Variants in ARHGAP21 observed in about 807,000 individuals in gnomAD.
ARHGAP21 encodes Rho GTPase activating protein 21.
A neutral mutation model predicts 164.6 loss-of-function variants in ARHGAP21; 38 were observed. The observed-to-expected ratio is 0.23, with a 90% CI of 0.18 to 0.30. The LOEUF (loss-of-function observed/expected upper bound fraction) is 0.30. ARHGAP21 is among the 10% of genes least tolerant of loss of function. The pLI, the probability that ARHGAP21 is intolerant of heterozygous loss-of-function variation, is 1.00. For synonymous variants in ARHGAP21, 766 were observed against 857.9 expected (o/e 0.89, Z 1.87); for missense variants, 1,822 against 2,370.7 (o/e 0.77, Z 4.81).
At chr10:24,643,959 C>G (rs1295146274) in intron 4 of ARHGAP21, among the ~76,000 whole-genome samples, 1 of 152,144 alleles carries the variant, frequency 6.6e-6, no homozygotes, top group African/African-American at 2.4e-5. Context: ...ATCCTCCTGC[C>G]TCGGCCTCCC....
At chr10:24,709,488 C>A (rs187036760) in intron 2 of ARHGAP21, among the ~76,000 whole-genome samples, 3 of 152,098 alleles carry the variant, frequency 2.0e-5, no homozygotes, top group Non-Finnish European at 1.5e-5. Context: ...CTGTAATCCC[C>A]GCACTTTGGG....
chr10:24,722,996 G>T (rs1452660963), intron 1 of ARHGAP21, among the ~76,000 whole-genome samples: 1 of 151,894 alleles, frequency 6.6e-6, no homozygotes, highest in Non-Finnish European at 1.5e-5. Context: ...CACCTAGGGG[G>T]AAAAAACGAG....
At chr10:24,647,969 A>G (rs1335158623) in intron 4 of ARHGAP21, among the ~76,000 whole-genome samples, 1 of 151,996 alleles carries the variant, frequency 6.6e-6, no homozygotes, top group Non-Finnish European at 1.5e-5. Flanking sequence ...TCCCAAGTAG[A>G]TGGGATTTAC....
intron 2 of ARHGAP21, chr10:24,714,379 C>T (rs1009672294): frequency 6.6e-6 from 1 of 152,120 alleles, no homozygotes; most frequent in Non-Finnish European, 1.5e-5. Context: ...AACGCTTAAC[C>T]TGGAAGAAAT....
At chr10:24,592,155 GA>G (rs2076357503) in intron 21 of ARHGAP21, 143 bp from the exon 22 acceptor site, 26 of 295,954 alleles carry the variant, frequency 8.8e-5, no homozygotes, top group East Asian at 2.2e-4. Flanking sequence ...TTTCTAGCAA[GA>G]TTTTTTTTTT....
rs1301553003 is a variant in ARHGAP21, at chr10:24,596,042, T to C, written c.3479A>G (p.Tyr1160Cys). 7 of 1,592,974 alleles carry C rather than the reference T, an allele frequency of 4.4e-6. No homozygotes were observed. The highest frequency in any genetic ancestry group is 6.0e-6 in the Non-Finnish European group (7 of 1,168,948). Reference sequence around the variant, plus strand: ...ACATATGTCAACTATTAATGGAATATACTGCAAAACAAGAAATAAACATTT... The same window carrying C: ...ACATATGTCAACTATTAATGGAATACACTGCAAAACAAGAAATAAACATTT... Reference protein sequence around the residue: ...DDCPPAHTNRYIPLIVDICCK... With the variant: ...DDCPPAHTNRCIPLIVDICCK... The change falls in exon 18 of 26, where the codon TAT becomes TGT. Residue 1160 changes from tyrosine (Y) to cysteine (C), a missense_variant and splice_region_variant. Transcript: ENST00000396432.
chr10:24,684,516 T>TGG (rs1842046278), intron 2 of ARHGAP21, among the ~76,000 whole-genome samples: 1 of 152,210 alleles, frequency 6.6e-6, no homozygotes, highest in African/African-American at 2.4e-5. Flanking sequence ...AATGATATCT[T>TGG]AAATAACTTA....
intron 4 of ARHGAP21, among the ~76,000 whole-genome samples, chr10:24,658,620 T>C (rs960591025): frequency 9.2e-5 from 14 of 152,040 alleles, no homozygotes; most frequent in Admixed American, 4.6e-4. Flanking sequence ...TAGGTGGGAA[T>C]TGAACAATGA....
chr10:24,702,448 T>G (rs910814380), intron 2 of ARHGAP21, among the ~76,000 whole-genome samples: 1 of 152,124 alleles, frequency 6.6e-6, no homozygotes, highest in African/African-American at 2.4e-5. Context: ...CCATTCTTAA[T>G]TGTGGTATGG....
chr10:24,605,371 C>T (rs75086701), intron 11 of ARHGAP21, among the ~76,000 whole-genome samples: 2,857 of 152,260 alleles, frequency 0.019, 30 homozygotes, highest in Non-Finnish European at 0.029. Flanking sequence ...AACATACAGT[C>T]CTGCCATCTT....
chr10:24,695,876 C>T (rs1274267831), intron 2 of ARHGAP21, among the ~76,000 whole-genome samples: 1 of 152,184 alleles, frequency 6.6e-6, no homozygotes, highest in Non-Finnish European at 1.5e-5. Context: ...CCAGGCAAGT[C>T]TCAAGATGAC....
chr10:24,676,672 A>C (rs1305953818), intron 2 of ARHGAP21, among the ~76,000 whole-genome samples: 1 of 152,136 alleles, frequency 6.6e-6, no homozygotes, highest in African/African-American at 2.4e-5. Context: ...GTACCCCCTA[A>C]ATCTATAAAC....
chr10:24,597,882 A>G, intron 15 of ARHGAP21, 63 bp downstream of exon 15: 5 of 1,511,854 alleles, frequency 3.3e-6, no homozygotes, highest in Non-Finnish European at 2.7e-6. Flanking sequence ...ATCCTTGCAA[A>G]TAAGGGGGAT....
At chr10:24,631,030 T>C (rs1056938498) in intron 6 of ARHGAP21, among the ~76,000 whole-genome samples, 1 of 152,186 alleles carries the variant, frequency 6.6e-6, no homozygotes, top group Non-Finnish European at 1.5e-5. Context: ...TTCCCTAAGT[T>C]TAGAAAGTTC....
intron 23 of ARHGAP21, 34 bp from the exon 24 acceptor site, chr10:24,591,364 T>A (rs755357173): frequency 1.3e-6 from 2 of 1,518,394 alleles, no homozygotes; most frequent in Admixed American, 3.7e-5. Context: ...CTTCATCATC[T>A]CTTCAAAGAT....
At chr10:24,660,650 G>C (rs1839589866) in intron 4 of ARHGAP21, among the ~76,000 whole-genome samples, 1 of 152,100 alleles carries the variant, frequency 6.6e-6, no homozygotes, top group African/African-American at 2.4e-5. Flanking sequence ...TTCTAATTAT[G>C]TTTTGTAATA....
At chr10:24,589,415 CA>C in intron 24 of ARHGAP21, 113 bp from the exon 25 acceptor site, 1 of 937,674 alleles carries the variant, frequency 1.1e-6, no homozygotes, top group Non-Finnish European at 1.6e-6. Context: ...AAGCAAAACT[CA>C]AAACAATAGA....
intron 2 of ARHGAP21, among the ~76,000 whole-genome samples, chr10:24,680,887 A>G (rs1841699575): frequency 1.3e-5 from 2 of 152,202 alleles, no homozygotes; most frequent in Non-Finnish European, 2.9e-5. Flanking sequence ...TCAGAGTGCA[A>G]GAAGCCAAGA....
At chr10:24,622,490 A>T in intron 8 of ARHGAP21, among the ~76,000 whole-genome samples, 1 of 133,466 alleles carries the variant, frequency 7.5e-6, no homozygotes, top group Non-Finnish European at 1.6e-5. Context: ...ATATATACTG[A>T]TGCAGATAAA....
Sources: allele counts gnomAD v4.1 joint callset (sites outside exome capture counted in the v4.1 genomes callset), GRCh38; gene constraint gnomAD v4.1.1; transcripts MANE v1.5; gene names NCBI Gene and HGNC (gene_info 2026-07-23, HGNC 2026-07-21).